Variants in GABRB2 observed in about 807,000 individuals in gnomAD.
GABRB2 encodes gamma-aminobutyric acid receptor subunit beta-2.
A neutral mutation model predicts 54.7 loss-of-function variants in GABRB2; 16 were observed. That is an observed-to-expected ratio of 0.29 (90% CI 0.20 to 0.44). The LOEUF is 0.44. Among genes scored for constraint, GABRB2 ranks in the 20% least tolerant of loss-of-function variants. The pLI is 1.00. For synonymous variants in GABRB2, 244 were observed against 233.8 expected, an observed-to-expected ratio of 1.04 and a Z score of -0.40; for missense variants, 355 against 644.0, an observed-to-expected ratio of 0.55 and a Z score of 4.86.
chr5:161,294,441 A>G lies in GABRB2; in HGVS notation c.1192-13T>C. The G allele has an allele frequency of 6.2e-7, 1 of 1,601,968 alleles. No individual in the cohort carries two copies. The highest frequency in any genetic ancestry group is 1.1e-5 in the South Asian group (1 of 90,630). On this transcript the variant is annotated splice_polypyrimidine_tract_variant and intron_variant, in intron 9 of 9. Transcript: ENST00000393959. ...CATGGGGGTCCATCTGCAAGGGAAG[A>G]GAATCAAAAAGACAATCAGAACAAT... is the stretch of plus-strand genomic sequence containing the variant.
chr5:161,463,398 G>A (rs1339563634), intron 3 of GABRB2, among the ~76,000 whole-genome samples: 1 of 149,502 alleles, frequency 6.7e-6, no homozygotes, highest in South Asian at 2.1e-4. Flanking sequence ...GATATTTCTG[G>A]ACTCACAAAG....
chr5:161,304,801 A>C (rs1409575370), intron 9 of GABRB2, among the ~76,000 whole-genome samples: 1 of 152,006 alleles, frequency 6.6e-6, no homozygotes, highest in African/African-American at 2.4e-5. Flanking sequence ...ACATTTAATA[A>C]AATGCATGAT....
At chr5:161,541,452 T>C (rs991454846) in intron 3 of GABRB2, among the ~76,000 whole-genome samples, 4 of 152,238 alleles carry the variant, frequency 2.6e-5, no homozygotes, top group African/African-American at 9.6e-5. Flanking sequence ...TGTCATCTTC[T>C]TCTGATAGAA....
At chr5:161,547,749 G>T (rs1322063856), upstream of GABRB2, 2 of 152,290 alleles carry the variant, frequency 1.3e-5, no homozygotes, top group Admixed American at 6.5e-5. Flanking sequence ...ACTGGAGGGC[G>T]TGGGCGACCG....
At chr5:161,527,081 A>G (rs1760306285) in intron 3 of GABRB2, among the ~76,000 whole-genome samples, 1 of 151,490 alleles carries the variant, frequency 6.6e-6, no homozygotes, top group South Asian at 2.1e-4. Flanking sequence ...ACATAATAAG[A>G]TATCTGTCTT....
chr5:161,308,070 C>T (rs1206982933), intron 9 of GABRB2, among the ~76,000 whole-genome samples: 1 of 152,070 alleles, frequency 6.6e-6, no homozygotes. Context: ...ACCATGTTGG[C>T]CAGGATGGTC....
At chr5:161,368,126 C>T (rs1047796660) in intron 5 of GABRB2, among the ~76,000 whole-genome samples, 6 of 151,310 alleles carry the variant, frequency 4.0e-5, no homozygotes, top group Non-Finnish European at 7.4e-5. Flanking sequence ...GACACACACA[C>T]ACACACACAC....
chr5:161,415,835 A>T (rs1251710662), intron 4 of GABRB2, among the ~76,000 whole-genome samples: 2 of 151,750 alleles, frequency 1.3e-5, no homozygotes, highest in African/African-American at 4.8e-5. Context: ...CTGGTCTCAA[A>T]CTCCTGACCT....
At chr5:161,305,493 T>C (rs1757664606) in intron 9 of GABRB2, among the ~76,000 whole-genome samples, 1 of 152,228 alleles carries the variant, frequency 6.6e-6, no homozygotes, top group Admixed American at 6.5e-5. Flanking sequence ...TACCCAATCC[T>C]GATAACTCAA....
chr5:161,474,186 T>G (rs1453001880), intron 3 of GABRB2, among the ~76,000 whole-genome samples: 1 of 151,988 alleles, frequency 6.6e-6, no homozygotes, highest in Non-Finnish European at 1.5e-5. Flanking sequence ...TATCAGAGCT[T>G]GGGGAAGATC....
At chr5:161,524,194 A>C (rs184619486) in intron 3 of GABRB2, among the ~76,000 whole-genome samples, 1 of 151,414 alleles carries the variant, frequency 6.6e-6, no homozygotes, top group South Asian at 2.1e-4. Context: ...TCCTTCTTAC[A>C]TTAATGTAAA....
intron 5 of GABRB2, among the ~76,000 whole-genome samples, chr5:161,402,248 A>G (rs1756219553): frequency 1.3e-5 from 2 of 152,126 alleles, no homozygotes; most frequent in Non-Finnish European, 2.9e-5. Flanking sequence ...TTAAATGTAG[A>G]TACTAGGGAG....
chr5:161,326,329 A>G, intron 9 of GABRB2, 39 bp downstream of exon 9: 1 of 1,606,272 alleles, frequency 6.2e-7, no homozygotes, highest in Non-Finnish European at 8.5e-7. Flanking sequence ...TGGCCCCAAC[A>G]GAAATACAAA....
intron 5 of GABRB2, among the ~76,000 whole-genome samples, chr5:161,373,116 T>C (rs1340707973): frequency 6.6e-6 from 1 of 152,184 alleles, no homozygotes; most frequent in East Asian, 1.9e-4. Context: ...TGCAAATGTG[T>C]GTTACATAAA....
At chr5:161,500,081 T>C (rs535936011) in intron 3 of GABRB2, among the ~76,000 whole-genome samples, 32 of 152,300 alleles carry the variant, frequency 2.1e-4, no homozygotes, top group Non-Finnish European at 4.1e-4. Context: ...TTGAATATGT[T>C]GGTTTTCTCT....
In GABRB2 at chr5:161,289,909, G is replaced by C. The variant is rs1333167914; in HGVS notation, c.*4172C>G. The C allele has an allele frequency of 4.0e-5, 6 of 151,818 alleles. No individual in the cohort carries two copies. The East Asian group carries it at 1.2e-3, about 29-fold the overall frequency. 9.4% of individuals were successfully genotyped at this position (151,818 alleles called of 1,614,324 possible). ...AAAGGGTGTTTAAATTACTCTGCTG[G>C]GGGCACTGCAGTAATAGTACTTAGT... On this transcript the variant is annotated 3_prime_UTR_variant, in exon 10 of 10. Transcript: ENST00000393959.
intron 5 of GABRB2, 37 bp from the exon 6 acceptor site, chr5:161,336,806 A>G: frequency 6.5e-7 from 1 of 1,537,940 alleles, no homozygotes; most frequent in Non-Finnish European, 8.7e-7. Context: ...ACACACAAAT[A>G]CAGAAAACAA....
At chr5:161,327,511 A>G (rs932468435) in intron 8 of GABRB2, among the ~76,000 whole-genome samples, 13 of 152,296 alleles carry the variant, frequency 8.5e-5, no homozygotes, top group Non-Finnish European at 1.5e-4. Flanking sequence ...CTTTAGGCAC[A>G]TAGGCTTTTA....
intron 4 of GABRB2, among the ~76,000 whole-genome samples, chr5:161,451,350 C>T (rs1757782576): frequency 1.3e-5 from 2 of 152,116 alleles, no homozygotes; most frequent in Non-Finnish European, 2.9e-5. Flanking sequence ...GGTGTCCCCC[C>T]TTATGCAGAA....
Sources: allele counts gnomAD v4.1 joint callset (sites outside exome capture counted in the v4.1 genomes callset), GRCh38; gene constraint gnomAD v4.1.1; transcripts MANE v1.5; gene names NCBI Gene and HGNC (gene_info 2026-07-23, HGNC 2026-07-21).